Variants in SUGCT observed in about 807,000 individuals in gnomAD.
The protein encoded by SUGCT is succinyl-CoA:glutarate CoA-transferase.
In SUGCT, 41 loss-of-function variants were observed where a neutral mutation model predicts 55.0. The observed-to-expected ratio is 0.74, with a 90% CI of 0.58 to 0.97. The LOEUF is 0.97. Among genes scored for constraint, SUGCT ranks in the 50% least tolerant of loss-of-function variants. The probability of loss-of-function intolerance (pLI) is 0.00; values close to 1 mark genes in which losing one functional copy is unlikely to be tolerated. For synonymous variants in SUGCT, 187 were observed against 200.4 expected (o/e 0.93, Z 0.56); for missense variants, 568 against 547.8 (o/e 1.04, Z -0.37).
intron 7 of SUGCT, among the ~76,000 whole-genome samples, chr7:40,252,715 A>G (rs1241808639): frequency 6.6e-6 from 1 of 151,542 alleles, no homozygotes; most frequent in Non-Finnish European, 1.5e-5. Flanking sequence ...TGGTGCAGTC[A>G]TGGCTTACTG....
intron 12 of SUGCT, among the ~76,000 whole-genome samples, chr7:40,566,107 C>T (rs530070948): frequency 6.6e-6 from 1 of 152,180 alleles, no homozygotes; most frequent in East Asian, 1.9e-4. Context: ...GACTCTGCTT[C>T]CCATGGAGCG....
chr7:40,695,713 C>T (rs1182957843), intron 12 of SUGCT, among the ~76,000 whole-genome samples: 1 of 152,042 alleles, frequency 6.6e-6, no homozygotes, highest in Non-Finnish European at 1.5e-5. Context: ...TTAGTGTTGG[C>T]ACTACTGACA....
chr7:40,986,439 C>T, the SUGCT span, among the ~76,000 whole-genome samples: 1 of 152,144 alleles, frequency 6.6e-6, no homozygotes, highest in Non-Finnish European at 1.5e-5. Context: ...CACTCATCAC[C>T]ATGGTTTCAT....
intron 1 of SUGCT, among the ~76,000 whole-genome samples, chr7:40,167,611 T>G (rs1023760884): frequency 1.3e-5 from 2 of 152,164 alleles, no homozygotes; most frequent in Non-Finnish European, 2.9e-5. Flanking sequence ...GTTATACCTC[T>G]ATTATAAGCT....
At chr7:40,308,728 A>G (rs552097251) in intron 8 of SUGCT, among the ~76,000 whole-genome samples, 1 of 152,302 alleles carries the variant, frequency 6.6e-6, no homozygotes, top group East Asian at 1.9e-4. Context: ...GATTTCTTCT[A>G]GGCTGGGCAC....
intron 9 of SUGCT, among the ~76,000 whole-genome samples, chr7:40,389,174 A>G (rs530605721): frequency 2.6e-5 from 4 of 152,250 alleles, no homozygotes; most frequent in Admixed American, 6.5e-5. Flanking sequence ...CTGAGGCCGG[A>G]TGGGATGGCT....
chr7:40,285,513 T>C (rs1024134008), intron 8 of SUGCT, among the ~76,000 whole-genome samples: 2 of 151,950 alleles, frequency 1.3e-5, no homozygotes, highest in Non-Finnish European at 2.9e-5. Context: ...AAGAATTTTA[T>C]TTAGAATAAA....
At chr7:40,423,652 T>TTG (rs1787431764) in intron 9 of SUGCT, among the ~76,000 whole-genome samples, 1 of 152,122 alleles carries the variant, frequency 6.6e-6, no homozygotes, top group Non-Finnish European at 1.5e-5. Context: ...AATGGAAACA[T>TTG]TGACATAAAC....
intron 13 of SUGCT, among the ~76,000 whole-genome samples, chr7:40,763,217 C>T (rs1261202831): frequency 6.6e-6 from 1 of 152,098 alleles, no homozygotes; most frequent in Non-Finnish European, 1.5e-5. Context: ...TGATAACACT[C>T]GCTAACACTT....
chr7:40,438,060 C>A (rs1562776564), intron 9 of SUGCT, among the ~76,000 whole-genome samples: 1 of 151,832 alleles, frequency 6.6e-6, no homozygotes, highest in East Asian at 1.9e-4. Flanking sequence ...CTTCTGAAAC[C>A]CCTATGTTTT....
chr7:40,210,998 C>T (rs550365287), intron 6 of SUGCT, among the ~76,000 whole-genome samples: 2 of 152,160 alleles, frequency 1.3e-5, no homozygotes, highest in South Asian at 2.1e-4. Flanking sequence ...ATTTAGAACT[C>T]GTATCTAACA....
the SUGCT span, among the ~76,000 whole-genome samples, chr7:40,956,270 G>T: frequency 3.3e-5 from 5 of 151,918 alleles, no homozygotes; most frequent in African/African-American, 9.7e-5. Context: ...GTTTTTTTTG[G>T]TTGCTAGGCT....
the SUGCT span, among the ~76,000 whole-genome samples, chr7:40,936,277 A>G: frequency 0.33 from 49,483 of 150,864 alleles, 8,923 homozygotes; most frequent in Admixed American, 0.45. Flanking sequence ...CTTATCTTTT[A>G]TAGGTCTTTT....
chr7:40,169,404 T>C (rs1407870038), intron 1 of SUGCT, among the ~76,000 whole-genome samples: 3 of 152,140 alleles, frequency 2.0e-5, no homozygotes, highest in African/African-American at 4.8e-5. Context: ...GACAGTTAAC[T>C]TCCTGGCCAT....
the SUGCT span, among the ~76,000 whole-genome samples, chr7:40,983,920 T>G: frequency 1.3e-5 from 2 of 152,096 alleles, no homozygotes; most frequent in African/African-American, 4.8e-5. Flanking sequence ...AAAGAATTGG[T>G]TGGGGGATAG....
intron 11 of SUGCT, among the ~76,000 whole-genome samples, chr7:40,482,648 C>G (rs1202268450): frequency 2.6e-5 from 4 of 152,162 alleles, no homozygotes; most frequent in Non-Finnish European, 5.9e-5. Flanking sequence ...TATTATGTTT[C>G]CATTCACACA....
At chr7:40,481,355 T>A (rs2151488799) in intron 11 of SUGCT, among the ~76,000 whole-genome samples, 1 of 150,374 alleles carries the variant, frequency 6.7e-6, no homozygotes, top group African/African-American at 2.4e-5. Context: ...GATATATATA[T>A]TATATATATA....
At chr7:40,598,448 A>G (rs1798131895) in intron 12 of SUGCT, among the ~76,000 whole-genome samples, 2 of 152,260 alleles carry the variant, frequency 1.3e-5, no homozygotes, top group Non-Finnish European at 2.9e-5. Context: ...CTATACAGGC[A>G]GATGCTCTTT....
intron 8 of SUGCT, among the ~76,000 whole-genome samples, chr7:40,314,948 A>G (rs1359252334): frequency 6.6e-6 from 1 of 152,144 alleles, no homozygotes; most frequent in African/African-American, 2.4e-5. Context: ...AGCACGTTGA[A>G]GATTACTTAC....
Sources: gnomAD v4.1 joint callset for allele counts (sites outside exome capture counted in the v4.1 genomes callset) on GRCh38, gnomAD v4.1.1 for gene constraint, MANE v1.5 for transcripts, NCBI Gene and HGNC (gene_info 2026-07-23, HGNC 2026-07-21) for gene names.